The following COL18A1 variants were observed in gnomAD, a reference collection of about 807,000 sequenced individuals.
COL18A1 encodes the protein collagen type XVIII alpha 1 chain.
A neutral mutation model predicts 168.0 loss-of-function variants in COL18A1; 133 were observed. The ratio of observed to expected loss-of-function variants is 0.79; its 90% CI spans 0.69 to 0.91. The LOEUF (loss-of-function observed/expected upper bound fraction) is 0.91, where lower values mean the gene tolerates loss of function less well. Among genes scored for constraint, COL18A1 ranks in the 40% least tolerant of loss-of-function variants. COL18A1 has a pLI of 0.00. For synonymous variants in COL18A1, 949 were observed against 809.0 expected (o/e 1.17, Z -2.94); for missense variants, 2,126 against 1,925.4 (o/e 1.10, Z -1.95).
At chr21:45,476,542 G>A in intron 6 of COL18A1, 62 bp downstream of exon 6, 3 of 1,537,336 alleles carry the variant, frequency 2.0e-6, no homozygotes, top group South Asian at 2.4e-5. Flanking sequence ...TGTAACGTGT[G>A]TTTGTGTGAT....
chr21:45,435,927 C>T lies in COL18A1; in HGVS notation c.106+30454C>T, dbSNP rs534131944. ...CCCTCTCTTGAGCCCCTGTGAGATG[C>T]ACCCTGGGGTCCCAGCCTCACCCAC... is the stretch of plus-strand genomic sequence containing the variant. On this transcript the variant is annotated intron_variant, in intron 2 of 41. Coordinates refer to ENST00000651438, the MANE Select transcript of COL18A1 (RefSeq NM_001379500.1). Among the ~76,000 whole-genome samples the T allele has an allele frequency of 1.3e-3, 201 of 152,290 alleles. 4 individuals are homozygous for T. In the South Asian group the frequency reaches 0.041, roughly 31 times the overall value.
chr21:45,450,249 C>T (rs2034591407), intron 2 of COL18A1, among the ~76,000 whole-genome samples: 1 of 152,174 alleles, frequency 6.6e-6, no homozygotes, highest in Non-Finnish European at 1.5e-5. Context: ...GGGCGAGCAT[C>T]TGGGGGCAAG....
intron 2 of COL18A1, among the ~76,000 whole-genome samples, chr21:45,451,403 T>A (rs2034619340): frequency 6.6e-6 from 1 of 152,142 alleles, no homozygotes; most frequent in African/African-American, 2.4e-5. Context: ...CCTGTTGTCA[T>A]AACTGAGAGC....
intron 37 of COL18A1, chr21:45,506,386 G>A (rs112798876): frequency 0.043 from 14,345 of 335,584 alleles, 391 homozygotes; most frequent in Middle Eastern, 0.062. Context: ...TGCACCCCGC[G>A]TTATAAACAC....
chr21:45,424,965 A>T (rs2033744378), intron 2 of COL18A1: 1 of 152,258 alleles, frequency 6.6e-6, no homozygotes, highest in Non-Finnish European at 1.5e-5. Flanking sequence ...AAACCGGTCC[A>T]GGCGCGGGTT....
intron 40 of COL18A1, among the ~76,000 whole-genome samples, chr21:45,510,635 T>A (rs62214277): frequency 6.6e-6 from 1 of 152,212 alleles, no homozygotes; most frequent in Non-Finnish European, 1.5e-5. Flanking sequence ...TCTAGTGCCA[T>A]GCGGGCTGGT....
intron 41 of COL18A1, among the ~76,000 whole-genome samples, chr21:45,511,568 C>A (rs2037610427): frequency 6.6e-6 from 1 of 152,118 alleles, no homozygotes; most frequent in Non-Finnish European, 1.5e-5. Context: ...ATAAACTCCT[C>A]AAAGGGCAAC....
chr21:45,456,539 C>T, intron 2 of COL18A1: 5 of 1,548,186 alleles, frequency 3.2e-6, no homozygotes, highest in South Asian at 1.2e-5. Flanking sequence ...CTGCCTGCCC[C>T]TGCCACCCTC....
chr21:45,447,393 T>G (rs2034528803), intron 2 of COL18A1, among the ~76,000 whole-genome samples: 1 of 152,116 alleles, frequency 6.6e-6, no homozygotes, highest in South Asian at 2.1e-4. Flanking sequence ...AAAAATCTAT[T>G]GTATTTATTT....
chr21:45,466,153 G>A (rs2035202010), intron 2 of COL18A1, among the ~76,000 whole-genome samples: 1 of 152,166 alleles, frequency 6.6e-6, no homozygotes, highest in African/African-American at 2.4e-5. Context: ...AGGGATGGAC[G>A]TCCCCGGTCC....
rs367570935 is a variant in COL18A1 at position 45,480,451 on chromosome 21, C to T, written c.1399-16C>T. The T allele has an allele frequency of 3.7e-5, 59 of 1,614,006 alleles. No homozygotes were observed. Among genetic ancestry groups the T allele is most frequent in the Admixed American group, 3.0e-4 (18 of 60,012 alleles). On this transcript the variant is annotated splice_polypyrimidine_tract_variant and intron_variant, in intron 11 of 41. Coordinates refer to ENST00000651438, the MANE Select transcript of COL18A1 (RefSeq NM_001379500.1). ...CCGAGCTCAGGGCAACGTGTCTCTC[C>T]GGCTCTTTTCCTCAGACCTTCATTG... is the stretch of plus-strand genomic sequence containing the variant.
In COL18A1 at chr21:45,425,318, C is replaced by T. The variant is rs956587895; in HGVS notation, c.106+19845C>T. Among the ~76,000 whole-genome samples the T allele has an allele frequency of 3.9e-5, 6 of 152,162 alleles. No individual in the cohort carries two copies. Among genetic ancestry groups the T allele is most frequent in the African/African-American group, 1.4e-4 (6 of 41,436 alleles). On this transcript the variant is annotated intron_variant, in intron 2 of 41. Coordinates refer to ENST00000651438, the MANE Select transcript of COL18A1 (RefSeq NM_001379500.1). The surrounding 1 kb of genome is among the most constrained non-coding windows in gnomAD (Gnocchi z 4.1). ...GCTGTGAGTGCAGTGTGACCGCGTCCACCTGTCTCCCTGGACACGCCTGTC... is the reference window on the plus strand; with the variant it reads ...GCTGTGAGTGCAGTGTGACCGCGTCTACCTGTCTCCCTGGACACGCCTGTC...
intron 32 of COL18A1, among the ~76,000 whole-genome samples, chr21:45,503,712 A>G (rs931109315): frequency 5.3e-5 from 8 of 151,772 alleles, no homozygotes; most frequent in Admixed American, 1.3e-4. Context: ...GGTGCAGCAC[A>G]CCAGCATGGC....
intron 1 of COL18A1, 61 bp from the exon 2 acceptor site, chr21:45,405,318 G>GT: frequency 1.1e-6 from 1 of 948,954 alleles, no homozygotes; most frequent in Non-Finnish European, 1.3e-6. Flanking sequence ...GCGGGGCTCG[G>GT]CCGGGTCCTG....
intron 32 of COL18A1, among the ~76,000 whole-genome samples, chr21:45,503,766 C>T (rs1197630628): frequency 1.3e-5 from 2 of 151,220 alleles, no homozygotes; most frequent in African/African-American, 2.4e-5. Context: ...TGCACATGTA[C>T]CCTAAAACTT....
chr21:45,493,115 G>A (rs1218742649), intron 24 of COL18A1, 48 bp from the exon 25 acceptor site: 8 of 1,519,548 alleles, frequency 5.3e-6, no homozygotes, highest in Admixed American at 2.0e-5. Flanking sequence ...CGTCGGGGAT[G>A]GGGGAGATGC....
rs1171902353 is a variant in COL18A1 at position 45,512,362 on chromosome 21, C to T, written c.3984C>T (p.Leu1328=). The T allele has an allele frequency of 3.1e-6, 5 of 1,612,788 alleles. No homozygotes were observed. Among genetic ancestry groups the T allele is most frequent in the Non-Finnish European group, 4.2e-6 (5 of 1,179,830 alleles). ...GCTGCCATCACGCCTACATCGTGCT[C>T]TGCATTGAGAACAGCTTCATGACTG... ...AASCHHAYIV[L]CIENSFMTAS... Residue 1328 remains leucine (L), a synonymous_variant, in exon 42 of 42, where the codon CTC becomes CTT. Transcript: ENST00000651438.
intron 2 of COL18A1, among the ~76,000 whole-genome samples, chr21:45,446,697 C>CA (rs934133801): frequency 5.3e-5 from 8 of 151,814 alleles, no homozygotes; most frequent in African/African-American, 1.9e-4. Context: ...AAGACATTGC[C>CA]AAAAAAAGAA....
At chr21:45,445,742 A>G (rs1414511865) in intron 2 of COL18A1, among the ~76,000 whole-genome samples, 1 of 152,058 alleles carries the variant, frequency 6.6e-6, no homozygotes, top group Non-Finnish European at 1.5e-5. Context: ...GGCGATCTGT[A>G]TTTCTTCTTT....
Sources: allele counts gnomAD v4.1 joint callset (sites outside exome capture counted in the v4.1 genomes callset), GRCh38; gene constraint gnomAD v4.1.1; non-coding constraint Gnocchi (gnomAD v3.1); transcripts MANE v1.5; gene names NCBI Gene and HGNC (gene_info 2026-07-23, HGNC 2026-07-21).